The following XRCC4 variants were observed in gnomAD, a reference collection of about 807,000 sequenced individuals.
XRCC4 encodes DNA repair protein XRCC4.
A neutral mutation model predicts 39.1 loss-of-function variants in XRCC4; 28 were observed. That is an observed-to-expected ratio of 0.72 (90% CI 0.53 to 0.98). The LOEUF (loss-of-function observed/expected upper bound fraction) is 0.98. Among genes scored for constraint, XRCC4 ranks in the 50% least tolerant of loss-of-function variants. The probability of loss-of-function intolerance (pLI) is 0.00; values close to 1 mark genes in which losing one functional copy is unlikely to be tolerated. For missense variants in XRCC4, 350 were observed against 376.4 expected (o/e 0.93, Z 0.58); for synonymous variants, 123 against 126.4 (o/e 0.97, Z 0.18).
intron 7 of XRCC4, among the ~76,000 whole-genome samples, chr5:83,316,447 T>C (rs1755886277): frequency 6.6e-6 from 1 of 151,006 alleles, no homozygotes; most frequent in South Asian, 2.1e-4. Flanking sequence ...TGTGCTGTAT[T>C]CAGGAAACCC....
rs757988840 is a variant in XRCC4 at position 83,191,305 on chromosome 5, G to A, written c.316-4465G>A. ...TTGAATGGTAACTCCAACAATTCCC[G>A]TGTGTCATGGGAGGAACCTGGTGGG... is the stretch of plus-strand genomic sequence containing the variant. On this transcript the variant is annotated intron_variant, in intron 3 of 7. Transcript: ENST00000396027. 6.6e-5 allele frequency among the ~76,000 whole-genome samples: 10 copies of A among 152,288 alleles called. 1 individual carries two copies. Among genetic ancestry groups the A allele is most frequent in the South Asian group, 4.1e-4 (2 of 4,824 alleles).
chr5:83,137,518 G>A (rs76834051), intron 3 of XRCC4, among the ~76,000 whole-genome samples: 3,827 of 152,186 alleles, frequency 0.025, 68 homozygotes, highest in East Asian at 0.071. Flanking sequence ...TTTATAGCCA[G>A]GAGAATCATA....
chr5:83,309,484 G>A (rs899109093), intron 7 of XRCC4, among the ~76,000 whole-genome samples: 1 of 150,242 alleles, frequency 6.7e-6, no homozygotes, highest in African/African-American at 2.4e-5. Context: ...GGATTAGGCT[G>A]GGCGCGGTGG....
intron 6 of XRCC4, among the ~76,000 whole-genome samples, chr5:83,220,180 CTT>C (rs1241968209): frequency 6.6e-6 from 1 of 152,070 alleles, no homozygotes; most frequent in East Asian, 1.9e-4. Context: ...GTAAAACTGA[CTT>C]AAGAATGCGT....
chr5:83,152,626 C>A, intron 3 of XRCC4, among the ~76,000 whole-genome samples: 1 of 114,556 alleles, frequency 8.7e-6, no homozygotes. Context: ...AAGTGAGATC[C>A]TGTCTCAAAA....
intron 7 of XRCC4, among the ~76,000 whole-genome samples, chr5:83,281,967 G>T (rs1754557123): frequency 6.6e-6 from 1 of 152,196 alleles, no homozygotes. Context: ...TCATCCATTA[G>T]TCACCCAGTG....
intron 3 of XRCC4, among the ~76,000 whole-genome samples, chr5:83,117,643 G>A (rs1204872459): frequency 3.8e-5 from 2 of 53,138 alleles, no homozygotes; most frequent in Admixed American, 2.6e-4. Flanking sequence ...GTGTGTGTGT[G>A]TGTGTGTGTG....
chr5:83,324,372 C>A (rs1404036516), intron 7 of XRCC4, among the ~76,000 whole-genome samples: 3 of 152,062 alleles, frequency 2.0e-5, no homozygotes, highest in Admixed American at 2.0e-4. Context: ...GTTTTTAACT[C>A]CACAACATTA....
intron 6 of XRCC4, among the ~76,000 whole-genome samples, chr5:83,225,964 CCTT>C (rs1752273178): frequency 6.6e-6 from 1 of 151,908 alleles, no homozygotes; most frequent in South Asian, 2.1e-4. Flanking sequence ...AGGGTGGAGT[CCTT>C]CTGCAGATAG....
chr5:83,370,525 C>T, the XRCC4 span, among the ~76,000 whole-genome samples: 1 of 152,182 alleles, frequency 6.6e-6, no homozygotes, highest in South Asian at 2.1e-4. Flanking sequence ...AGGTACCCTA[C>T]TGCCTGTCCA....
chr5:83,187,638 A>C lies in XRCC4; in HGVS notation c.316-8132A>C, dbSNP rs537962559. On this transcript the variant is annotated intron_variant, in intron 3 of 7. Transcript: ENST00000396027. ...CACAGGCCAGACTGCTGTCCATTGG[A>C]GAGTATTTCAAGAGAGAATAGGATG... Among the ~76,000 whole-genome samples the C allele has an allele frequency of 3.3e-5, 5 of 152,298 alleles. No homozygotes were observed. In the South Asian group the frequency reaches 1.0e-3, roughly 32 times the overall value.
At chr5:83,173,686 C>A (rs1281672905) in intron 3 of XRCC4, among the ~76,000 whole-genome samples, 3 of 152,156 alleles carry the variant, frequency 2.0e-5, no homozygotes, top group Non-Finnish European at 4.4e-5. Flanking sequence ...CCAGTCACAC[C>A]TGGCATCTAG....
chr5:83,238,534 C>G (rs1446100282), intron 6 of XRCC4, among the ~76,000 whole-genome samples: 8 of 152,060 alleles, frequency 5.3e-5, no homozygotes, highest in African/African-American at 1.9e-4. Flanking sequence ...AGCGAATTCT[C>G]TAGCTTGCAG....
intron 4 of XRCC4, among the ~76,000 whole-genome samples, chr5:83,198,516 G>A (rs1751045021): frequency 6.6e-6 from 1 of 152,126 alleles, no homozygotes; most frequent in Non-Finnish European, 1.5e-5. Context: ...TATTTATATA[G>A]AGAGTATCTG....
intron 3 of XRCC4, among the ~76,000 whole-genome samples, chr5:83,189,550 T>C (rs1025744421): frequency 6.6e-6 from 1 of 152,214 alleles, no homozygotes; most frequent in Admixed American, 6.5e-5. Flanking sequence ...AAGCATTTTT[T>C]ATTAGTTCTA....
chr5:83,240,834 C>A (rs1378081766), intron 6 of XRCC4, among the ~76,000 whole-genome samples: 2 of 152,154 alleles, frequency 1.3e-5, no homozygotes, highest in Non-Finnish European at 2.9e-5. Flanking sequence ...TGAGGGGTTT[C>A]TAAGGTAACC....
intron 3 of XRCC4, among the ~76,000 whole-genome samples, chr5:83,159,417 C>A (rs146089171): frequency 1.3e-5 from 2 of 152,148 alleles, no homozygotes; most frequent in African/African-American, 4.8e-5. Flanking sequence ...TGAATGCCCC[C>A]AGAACACTGC....
chr5:83,078,532 A>T (rs1286321203), intron 1 of XRCC4, among the ~76,000 whole-genome samples: 1 of 152,230 alleles, frequency 6.6e-6, no homozygotes, highest in African/African-American at 2.4e-5. Context: ...TATTCGGCCT[A>T]TGAGACCCTT....
chr5:83,246,389 G>A (rs1293503603), intron 6 of XRCC4, among the ~76,000 whole-genome samples: 1 of 152,014 alleles, frequency 6.6e-6, no homozygotes, highest in African/African-American at 2.4e-5. Context: ...TTCAGTGTTG[G>A]CCTTATAATG....
Sources: gnomAD v4.1 joint callset for allele counts (sites outside exome capture counted in the v4.1 genomes callset) on GRCh38, gnomAD v4.1.1 for gene constraint, MANE v1.5 for transcripts, NCBI Gene and HGNC (gene_info 2026-07-23, HGNC 2026-07-21) for gene names.